Variants in BAALC observed in about 807,000 individuals in gnomAD.
The protein encoded by BAALC is brain and acute leukemia cytoplasmic protein.
Under a neutral mutation model 15.5 loss-of-function variants are expected in BAALC, and 9 were observed. The observed-to-expected ratio is 0.58, with a 90% confidence interval of 0.35 to 1.02. BAALC has a LOEUF of 1.02. Ranked by LOEUF, BAALC falls within the 50% of genes least tolerant of loss-of-function variation. BAALC has a pLI of 0.02. For missense variants in BAALC, 201 were observed against 192.4 expected (o/e 1.04, Z -0.27); for synonymous variants, 80 against 74.6 (o/e 1.07, Z -0.37).
At chr8:103,223,896 A>T (rs1285278711) in intron 2 of BAALC, among the ~76,000 whole-genome samples, 4 of 152,118 alleles carry the variant, frequency 2.6e-5, no homozygotes, top group African/African-American at 9.7e-5. Flanking sequence ...CACCAATTTG[A>T]GGGGAATGCT....
intron 1 of BAALC, among the ~76,000 whole-genome samples, chr8:103,156,238 C>G (rs1811088067): frequency 6.6e-6 from 1 of 152,170 alleles, no homozygotes; most frequent in Non-Finnish European, 1.5e-5. Flanking sequence ...ATGCTGAACA[C>G]TCAAATAATG....
chr8:103,200,453 G>A (rs1427529463), intron 1 of BAALC, among the ~76,000 whole-genome samples: 1 of 152,130 alleles, frequency 6.6e-6, no homozygotes, highest in East Asian at 1.9e-4. Context: ...AAGGCTAGTT[G>A]TACTAAGGTC....
Position 103,141,068 on chromosome 8 carries a change from G to T in BAALC, c.160+11G>T. 1 of 1,475,162 alleles carries T rather than the reference G, an allele frequency of 6.8e-7. No homozygotes were observed. The allele number at this position is 1,475,162 out of a possible 1,614,324, so 91.4% of individuals were successfully genotyped here. ...GCGGCCTGCACTCGGGTAAGTGGCCGGGCCCCTGCAGACCCTCGCCCGCCC... is the reference window on the plus strand; with the variant it reads ...GCGGCCTGCACTCGGGTAAGTGGCCTGGCCCCTGCAGACCCTCGCCCGCCC... On this transcript the variant is annotated intron_variant, in intron 1 of 2. Coordinates refer to ENST00000309982, the MANE Select transcript of BAALC (RefSeq NM_024812.3).
chr8:103,198,044 T>C (rs138331571), intron 1 of BAALC: 8 of 678,022 alleles, frequency 1.2e-5, no homozygotes, highest in Non-Finnish European at 2.1e-5. Context: ...CCATTAAATA[T>C]CCCACAGTTT....
chr8:103,144,399 G>A (rs1371209180), intron 1 of BAALC, among the ~76,000 whole-genome samples: 1 of 152,202 alleles, frequency 6.6e-6, no homozygotes, highest in East Asian at 1.9e-4. Context: ...CAAGGTATGT[G>A]ATATCCATTG....
intron 1 of BAALC, among the ~76,000 whole-genome samples, chr8:103,201,331 T>G (rs1812211636): frequency 6.6e-6 from 1 of 152,064 alleles, no homozygotes; most frequent in Non-Finnish European, 1.5e-5. Flanking sequence ...CCCTGGGACT[T>G]TGTTCCCAGG....
chr8:103,141,694 G>A (rs943336362), intron 1 of BAALC, among the ~76,000 whole-genome samples: 1 of 152,212 alleles, frequency 6.6e-6, no homozygotes, highest in Non-Finnish European at 1.5e-5. Flanking sequence ...TGGAGCAGTT[G>A]TTCCATAGCA....
intron 1 of BAALC, among the ~76,000 whole-genome samples, chr8:103,149,079 TG>T (rs1231479360): frequency 6.6e-6 from 1 of 152,340 alleles, no homozygotes; most frequent in Non-Finnish European, 1.5e-5. Flanking sequence ...AGCTTGGAAG[TG>T]GGAGAGCTAG....
At chr8:103,185,021 G>T (rs553844540) in intron 1 of BAALC, among the ~76,000 whole-genome samples, 21 of 152,198 alleles carry the variant, frequency 1.4e-4, no homozygotes, top group South Asian at 1.0e-3. Flanking sequence ...CGGTGTTCTT[G>T]TCCCCGGCTT....
intron 1 of BAALC, among the ~76,000 whole-genome samples, chr8:103,174,096 G>A (rs1811555464): frequency 6.6e-6 from 1 of 152,118 alleles, no homozygotes; most frequent in Non-Finnish European, 1.5e-5. Flanking sequence ...AGGACACAGA[G>A]CAGCTTTTGG....
chr8:103,146,542 T>C (rs1446249256), intron 1 of BAALC, among the ~76,000 whole-genome samples: 2 of 152,238 alleles, frequency 1.3e-5, no homozygotes, highest in African/African-American at 4.8e-5. Context: ...CACACAGTCC[T>C]ATCCCTGTAC....
chr8:103,208,434 TAGG>T (rs928634847), intron 1 of BAALC: 1 of 152,350 alleles, frequency 6.6e-6, no homozygotes, highest in South Asian at 2.1e-4. Flanking sequence ...ATGCCGGGGA[TAGG>T]AGGAGCTGCT....
intron 1 of BAALC, chr8:103,191,378 C>T (rs966515359): frequency 4.0e-5 from 6 of 151,868 alleles, no homozygotes; most frequent in African/African-American, 1.5e-4. Context: ...TAAGCCAGTC[C>T]CAGTTCTTCC....
At chr8:103,189,969 T>G (rs1586415460) in intron 1 of BAALC, among the ~76,000 whole-genome samples, 2 of 152,030 alleles carry the variant, frequency 1.3e-5, no homozygotes, top group East Asian at 1.9e-4. Context: ...AGAGGTTAGA[T>G]GAGGTGAACT....
intron 1 of BAALC, among the ~76,000 whole-genome samples, chr8:103,142,077 A>G (rs1810790626): frequency 6.6e-6 from 1 of 152,222 alleles, no homozygotes; most frequent in African/African-American, 2.4e-5. Context: ...ACCCACTGAT[A>G]TTATTGGCAT....
intron 2 of BAALC, among the ~76,000 whole-genome samples, chr8:103,216,484 T>A (rs1475954812): frequency 7.9e-5 from 12 of 151,846 alleles, no homozygotes; most frequent in Admixed American, 2.0e-4. Context: ...TTAATTAATT[T>A]ATGTATTTAT....
At chr8:103,150,817 T>A (rs1339961514) in intron 1 of BAALC, among the ~76,000 whole-genome samples, 1 of 152,180 alleles carries the variant, frequency 6.6e-6, no homozygotes, top group African/African-American at 2.4e-5. Context: ...TCCTGAATTC[T>A]GATACAGCCA....
intron 1 of BAALC, among the ~76,000 whole-genome samples, chr8:103,186,426 A>G (rs935763025): frequency 6.6e-6 from 1 of 152,218 alleles, no homozygotes; most frequent in African/African-American, 2.4e-5. Flanking sequence ...GGCAAAGCCA[A>G]TTCTCATGAC....
chr8:103,160,854 A>G (rs1275075942), intron 1 of BAALC, among the ~76,000 whole-genome samples: 1 of 152,086 alleles, frequency 6.6e-6, no homozygotes, highest in Non-Finnish European at 1.5e-5. Context: ...TGCCTGATTT[A>G]TATTCACTGG....
Sources: gnomAD v4.1 joint callset for allele counts (sites outside exome capture counted in the v4.1 genomes callset) on GRCh38, gnomAD v4.1.1 for gene constraint, MANE v1.5 for transcripts, NCBI Gene and HGNC (gene_info 2026-07-23, HGNC 2026-07-21) for gene names.